Variants in CWF19L2 observed in about 807,000 individuals in gnomAD.
The protein encoded by CWF19L2 is CWF19-like protein 2.
In CWF19L2, 98 loss-of-function variants were observed where a neutral mutation model predicts 111.7. That is an observed-to-expected ratio of 0.88 (90% CI 0.75 to 1.04). The LOEUF (loss-of-function observed/expected upper bound fraction) is 1.04. Ranked by LOEUF, CWF19L2 falls within the 50% of genes least tolerant of loss-of-function variation. The pLI, the probability that CWF19L2 is intolerant of heterozygous loss-of-function variation, is 0.00. For synonymous variants in CWF19L2, 351 were observed against 342.9 expected (o/e 1.02, Z -0.26); for missense variants, 1,101 against 1,051.4 (o/e 1.05, Z -0.65).
intron 5 of CWF19L2, among the ~76,000 whole-genome samples, chr11:107,440,446 T>C (rs1861605300): frequency 6.6e-6 from 1 of 152,202 alleles, no homozygotes; most frequent in Non-Finnish European, 1.5e-5. Context: ...TACAAAACCA[T>C]ACAGATTTGA....
chr11:107,329,776 C>T, intron 17 of CWF19L2, 142 bp downstream of exon 17: 1 of 503,250 alleles, frequency 2.0e-6, no homozygotes, highest in South Asian at 3.5e-5. Context: ...TTAATAGTTG[C>T]TAGGTATTCC....
intron 8 of CWF19L2, among the ~76,000 whole-genome samples, chr11:107,427,870 C>T (rs1369672538): frequency 1.4e-5 from 2 of 146,672 alleles, no homozygotes; most frequent in African/African-American, 5.0e-5. Flanking sequence ...ATTTTGCCAG[C>T]TCCCTCCCAC....
At chr11:107,334,101 C>T (rs1859888008) in intron 16 of CWF19L2, among the ~76,000 whole-genome samples, 1 of 152,056 alleles carries the variant, frequency 6.6e-6, no homozygotes, top group Non-Finnish European at 1.5e-5. Context: ...CTATAATCTC[C>T]ATCAAGTCTG....
At chr11:107,453,667 G>C (rs1041681712) in intron 3 of CWF19L2, among the ~76,000 whole-genome samples, 4 of 151,678 alleles carry the variant, frequency 2.6e-5, no homozygotes, top group African/African-American at 4.8e-5. Flanking sequence ...AGGGGGCTCT[G>C]TCTTGCGCCT....
intron 10 of CWF19L2, among the ~76,000 whole-genome samples, chr11:107,395,040 T>C (rs533489822): frequency 3.9e-5 from 6 of 152,220 alleles, no homozygotes; most frequent in South Asian, 4.1e-4. Flanking sequence ...AGCAATTGTA[T>C]AGAACTGATA....
At chr11:107,455,291 T>C (rs1030166162) in intron 2 of CWF19L2, among the ~76,000 whole-genome samples, 2 of 152,100 alleles carry the variant, frequency 1.3e-5, no homozygotes, top group African/African-American at 2.4e-5. Flanking sequence ...TACACAATTA[T>C]TATTTGTCAA....
At chr11:107,336,411 G>T in intron 15 of CWF19L2, 147 bp downstream of exon 15, 1 of 649,810 alleles carries the variant, frequency 1.5e-6, no homozygotes, top group South Asian at 2.3e-5. Context: ...CCTTCCAAGT[G>T]AGGCACTGTG....
At position 107,326,610 on chromosome 11, in the gene CWF19L2, A is replaced by C; in HGVS notation, c.*300T>G. The C allele has an allele frequency of 8.6e-6, 2 of 231,380 alleles. No individual in the cohort carries two copies. Among genetic ancestry groups the C allele is most frequent in the Non-Finnish European group, 8.3e-6 (1 of 120,668 alleles). 14.3% of individuals were successfully genotyped at this position (231,380 alleles called of 1,614,324 possible). ...TATGCTTTTTAGATATCCCTTCAGAAAAGGCCTTCTCTAAATTAACTGAAC... is the reference window on the plus strand; with the variant it reads ...TATGCTTTTTAGATATCCCTTCAGACAAGGCCTTCTCTAAATTAACTGAAC... On this transcript the variant is annotated 3_prime_UTR_variant, in exon 18 of 18. Transcript: ENST00000282251.
chr11:107,408,337 T>C (rs1303204560), intron 10 of CWF19L2, among the ~76,000 whole-genome samples: 1 of 151,936 alleles, frequency 6.6e-6, no homozygotes, highest in African/African-American at 2.4e-5. Context: ...GTAAAGGCAC[T>C]GAGGCAGGAG....
In CWF19L2 at chr11:107,455,670, G is replaced by A. The variant is rs1390589221; in HGVS notation, c.212C>T (p.Ser71Leu). ...CGTAAACCTGTTAGTATTCACCTGT[G>A]AGAACTGTTCAATTCTCTCATTCAC... is the stretch of plus-strand genomic sequence containing the variant. ...PDVNERIEQF[S>L]QEHSVKKKKK... The change falls in exon 2 of 18, where the codon TCA becomes TTA. Residue 71 changes from serine (S) to leucine (L), a missense_variant. Coordinates refer to ENST00000282251, the MANE Select transcript of CWF19L2 (RefSeq NM_152434.3). 1 of 1,539,996 alleles carries A rather than the reference G, an allele frequency of 6.5e-7. No individual in the cohort carries two copies. The highest frequency in any genetic ancestry group is 2.5e-5 in the East Asian group (1 of 40,716).
intron 8 of CWF19L2, among the ~76,000 whole-genome samples, chr11:107,420,091 A>C (rs1365038124): frequency 1.3e-5 from 2 of 152,066 alleles, no homozygotes. Flanking sequence ...AATAATCCAA[A>C]ACAAGTAAGA....
chr11:107,415,852 C>G (rs932180411), intron 10 of CWF19L2, among the ~76,000 whole-genome samples: 4 of 152,268 alleles, frequency 2.6e-5, no homozygotes, highest in African/African-American at 9.6e-5. Context: ...AATCTCAGCA[C>G]TTTTGGAGGT....
At position 107,369,966 on chromosome 11, in the gene CWF19L2, T is replaced by C. The variant is rs551325008; in HGVS notation, c.1873-16230A>G. Among the ~76,000 whole-genome samples the C allele has an allele frequency of 1.4e-5, 2 of 138,240 alleles. 1 individual carries two copies. The highest frequency in any genetic ancestry group is 4.9e-4 in the South Asian group (2 of 4,106). 90.7% of individuals were successfully genotyped at this position (138,240 alleles called of 152,430 possible). A position where few individuals can be genotyped will look rare whatever the true frequency, so the allele number is the denominator to read the frequency against. ...CTCTGTAGCCCAGGCTGGAGTGCAG[T>C]GTTGGGATTGTAATATTAGCTTTTT... On this transcript the variant is annotated intron_variant, in intron 12 of 17. Transcript: ENST00000282251.
intron 10 of CWF19L2, among the ~76,000 whole-genome samples, chr11:107,413,486 G>A (rs1037437581): frequency 3.3e-5 from 5 of 152,184 alleles, no homozygotes; most frequent in African/African-American, 7.2e-5. Context: ...GGGCCATACT[G>A]TGGAAGGCTA....
intron 12 of CWF19L2, among the ~76,000 whole-genome samples, chr11:107,357,305 T>C (rs1479856910): frequency 1.3e-5 from 2 of 152,196 alleles, no homozygotes; most frequent in Non-Finnish European, 2.9e-5. Context: ...TCATCTAGAA[T>C]AAACATACCA....
intron 14 of CWF19L2, among the ~76,000 whole-genome samples, chr11:107,338,727 T>C (rs1015602885): frequency 2.0e-5 from 3 of 152,220 alleles, no homozygotes; most frequent in South Asian, 2.1e-4. Flanking sequence ...ACTCCATCCA[T>C]GTCCCTGCAA....
intron 12 of CWF19L2, among the ~76,000 whole-genome samples, chr11:107,371,314 T>C (rs1437752671): frequency 7.3e-6 from 1 of 137,818 alleles, no homozygotes; most frequent in Non-Finnish European, 1.6e-5. Context: ...CTAGTTTCTA[T>C]CTTTAGTGTT....
At chr11:107,457,489 C>A (rs576672) in intron 1 of CWF19L2, among the ~76,000 whole-genome samples, 40,645 of 151,926 alleles carry the variant, frequency 0.27, 5,783 homozygotes, top group African/African-American at 0.34. Context: ...GGAGAAAAAG[C>A]GACAGATCTG....
chr11:107,393,408 C>T (rs936358023), intron 10 of CWF19L2, among the ~76,000 whole-genome samples: 3 of 152,096 alleles, frequency 2.0e-5, no homozygotes, highest in Non-Finnish European at 4.4e-5. Flanking sequence ...CACTTTCAAG[C>T]CATATTTTTC....
Sources: gnomAD v4.1 joint callset for allele counts (sites outside exome capture counted in the v4.1 genomes callset) on GRCh38, gnomAD v4.1.1 for gene constraint, MANE v1.5 for transcripts, NCBI Gene and HGNC (gene_info 2026-07-23, HGNC 2026-07-21) for gene names.